DCLK1: variants seen among roughly 807,000 people sequenced by gnomAD.
The protein encoded by DCLK1 is doublecortin like kinase 1, also known as serine/threonine-protein kinase DCLK1.
A neutral mutation model predicts 86.2 loss-of-function variants in DCLK1; 16 were observed. The ratio of observed to expected loss-of-function variants is 0.19; its 90% CI spans 0.13 to 0.28. The LOEUF (loss-of-function observed/expected upper bound fraction) is 0.28, where lower values mean the gene tolerates loss of function less well. Ranked by LOEUF, DCLK1 falls within the 10% of genes least tolerant of loss-of-function variation. DCLK1 has a pLI of 1.00. For missense variants in DCLK1, 590 were observed against 940.2 expected, an observed-to-expected ratio of 0.63 and a Z score of 4.87; for synonymous variants, 369 against 370.5, an observed-to-expected ratio of 1.00 and a Z score of 0.05.
chr13:35,783,744 C>T (rs956832436), intron 16 of DCLK1, among the ~76,000 whole-genome samples: 1 of 152,038 alleles, frequency 6.6e-6, no homozygotes. Flanking sequence ...ACCACCATGC[C>T]CAGCTAATTT....
intron 5 of DCLK1, among the ~76,000 whole-genome samples, chr13:35,867,909 A>AAGAAAG (rs1555345719): frequency 9.8e-6 from 1 of 102,374 alleles, no homozygotes; most frequent in Non-Finnish European, 1.9e-5. Flanking sequence ...GAAAGAAAGA[A>AAGAAAG]AAAGAAAGAA....
chr13:35,820,518 G>T (rs2087370869), intron 11 of DCLK1, among the ~76,000 whole-genome samples: 1 of 152,132 alleles, frequency 6.6e-6, no homozygotes, highest in South Asian at 2.1e-4. Context: ...ATCACTTATG[G>T]CATTTACAGA....
chr13:36,006,177 G>A (rs1356296780), intron 3 of DCLK1, among the ~76,000 whole-genome samples: 2 of 151,948 alleles, frequency 1.3e-5, no homozygotes, highest in East Asian at 3.9e-4. Context: ...GAACTTAAAA[G>A]AAAAAAAGAA....
intron 4 of DCLK1, among the ~76,000 whole-genome samples, chr13:35,947,033 C>G (rs1311826770): frequency 6.6e-6 from 1 of 152,024 alleles, no homozygotes; most frequent in East Asian, 1.9e-4. Context: ...ACAAATCCCT[C>G]AGCTAAAAAC....
intron 4 of DCLK1, among the ~76,000 whole-genome samples, chr13:35,925,420 A>G (rs1307389990): frequency 2.0e-5 from 3 of 152,246 alleles, no homozygotes; most frequent in Non-Finnish European, 4.4e-5. Flanking sequence ...GATATAAAAT[A>G]TGCTAATGTT....
rs749515491 is a variant in DCLK1, at chr13:35,855,491, A to T, written c.941-898T>A. 1.9e-6 allele frequency: 3 copies of T among 1,599,236 alleles called. No homozygotes were observed. The South Asian group carries it at 3.4e-5, about 18-fold the overall frequency. On this transcript the variant is annotated intron_variant, in intron 5 of 16. Transcript: ENST00000360631. ...ATAAATGCTTTCCACAAGGGAGAGCAGCAATGCATTTCACTTACCTTCTAT... is the reference window on the plus strand; with the variant it reads ...ATAAATGCTTTCCACAAGGGAGAGCTGCAATGCATTTCACTTACCTTCTAT...
chr13:36,106,582 C>A (rs1037758298), intron 3 of DCLK1, among the ~76,000 whole-genome samples: 3 of 152,086 alleles, frequency 2.0e-5, no homozygotes, highest in Non-Finnish European at 2.9e-5. Flanking sequence ...GGTAGTGTAG[C>A]AAATCAATAG....
chr13:35,898,141 T>C (rs1874112449), intron 4 of DCLK1, among the ~76,000 whole-genome samples: 1 of 152,202 alleles, frequency 6.6e-6, no homozygotes, highest in Non-Finnish European at 1.5e-5. Context: ...AGAGTCTACT[T>C]TAAACACACA....
intron 6 of DCLK1, among the ~76,000 whole-genome samples, chr13:35,840,117 C>T (rs553411844): frequency 6.6e-6 from 1 of 152,212 alleles, no homozygotes; most frequent in South Asian, 2.1e-4. Flanking sequence ...GTCTGTGGAG[C>T]AGAGAGAAGG....
chr13:35,850,976 G>C (rs895444829), intron 6 of DCLK1, among the ~76,000 whole-genome samples: 10 of 152,150 alleles, frequency 6.6e-5, no homozygotes, highest in African/African-American at 2.4e-4. Flanking sequence ...CGCCTTATTG[G>C]CAAGAAAATG....
intron 16 of DCLK1, chr13:35,787,941 C>T (rs1210126404): frequency 4.7e-6 from 2 of 426,350 alleles, no homozygotes; most frequent in Non-Finnish European, 4.3e-6. Flanking sequence ...TTGGCATTAG[C>T]ACTAAATATA....
intron 10 of DCLK1, 107 bp downstream of exon 10, chr13:35,827,528 G>T: frequency 2.2e-6 from 3 of 1,368,864 alleles, no homozygotes; most frequent in East Asian, 4.8e-5. Flanking sequence ...CCAATGTACA[G>T]AAATGAGAAC....
chr13:35,863,751 T>C (rs937560698), intron 5 of DCLK1, among the ~76,000 whole-genome samples: 1 of 152,242 alleles, frequency 6.6e-6, no homozygotes, highest in Non-Finnish European at 1.5e-5. Context: ...CAATCTGCCT[T>C]TGAAGGTGTT....
At chr13:35,984,321 T>A (rs1879799195) in intron 3 of DCLK1, among the ~76,000 whole-genome samples, 1 of 152,202 alleles carries the variant, frequency 6.6e-6, no homozygotes, top group African/African-American at 2.4e-5. Context: ...TGTGAGAACT[T>A]GACGAGGCCT....
At chr13:35,867,091 T>C (rs2153113681) in intron 5 of DCLK1, among the ~76,000 whole-genome samples, 1 of 152,318 alleles carries the variant, frequency 6.6e-6, no homozygotes, top group Non-Finnish European at 1.5e-5. Flanking sequence ...CACACATTTG[T>C]GACTGGGAGT....
intron 3 of DCLK1, among the ~76,000 whole-genome samples, chr13:36,043,362 T>G: frequency 6.6e-6 from 1 of 151,962 alleles, no homozygotes; most frequent in East Asian, 1.9e-4. Flanking sequence ...AATTAATTTC[T>G]CAGTAAGTCA....
chr13:36,128,837 T>C (rs1886274907), intron 1 of DCLK1, among the ~76,000 whole-genome samples: 1 of 152,230 alleles, frequency 6.6e-6, no homozygotes. Flanking sequence ...TCCAGTCCTG[T>C]AGGCATTAGT....
At chr13:36,005,199 T>C (rs1340508102) in intron 3 of DCLK1, among the ~76,000 whole-genome samples, 1 of 152,172 alleles carries the variant, frequency 6.6e-6, no homozygotes, top group East Asian at 1.9e-4. Flanking sequence ...AATAAGAAGT[T>C]TGAGTGCTAG....
intron 4 of DCLK1, among the ~76,000 whole-genome samples, chr13:35,936,987 T>C (rs1380859885): frequency 1.4e-5 from 1 of 69,240 alleles, no homozygotes; most frequent in African/African-American, 5.7e-5. Flanking sequence ...TTTTTTTTTT[T>C]GAGACGGAGT....
Sources: allele counts gnomAD v4.1 joint callset (sites outside exome capture counted in the v4.1 genomes callset), GRCh38; gene constraint gnomAD v4.1.1; transcripts MANE v1.5; gene names NCBI Gene and HGNC (gene_info 2026-07-23, HGNC 2026-07-21).